The following SCUBE3 variants were observed in gnomAD, a reference collection of about 807,000 sequenced individuals.
The protein encoded by SCUBE3 is signal peptide, CUB domain and EGF like domain containing 3, also known as signal peptide, CUB and EGF-like domain-containing protein 3.
Under a neutral mutation model 116.8 loss-of-function variants are expected in SCUBE3, and 33 were observed. The ratio of observed to expected loss-of-function variants is 0.28; its 90% confidence interval spans 0.21 to 0.38. The LOEUF is 0.38. Among genes scored for constraint, SCUBE3 ranks in the 10% least tolerant of loss-of-function variants. The pLI is 1.00. For synonymous variants in SCUBE3, 418 were observed against 496.9 expected (o/e 0.84, Z 2.11); for missense variants, 1,007 against 1,324.8 (o/e 0.76, Z 3.72).
intron 14 of SCUBE3, 59 bp from the exon 15 acceptor site, chr6:35,242,962 G>T (rs1784139763): frequency 1.3e-6 from 2 of 1,567,468 alleles, no homozygotes; most frequent in African/African-American, 2.7e-5. Context: ...TTGCTCCCCT[G>T]CCCTCCTGCT....
rs183346302 is a variant in SCUBE3, at chr6:35,250,005, G to C, written c.*1300G>C. ...TTATAGCTGCCCAAGAGAAAAGAGT[G>C]TATGTTTGGAGTGGAAGAAAATCGG... On this transcript the variant is annotated 3_prime_UTR_variant, in exon 22 of 22. Coordinates refer to ENST00000274938, the MANE Select transcript of SCUBE3 (RefSeq NM_152753.4). 1 of 152,648 alleles carries C rather than the reference G, an allele frequency of 6.6e-6. No homozygotes were observed. Among genetic ancestry groups the C allele is most frequent in the African/African-American group, 2.4e-5 (1 of 41,444 alleles). The allele number at this position is 152,648 out of a possible 1,614,324, so 9.5% of individuals were successfully genotyped here.
Position 35,244,355 on chromosome 6 carries a change from C to T in SCUBE3, c.2239+225C>T, listed in dbSNP as rs1405923070. Among the ~76,000 whole-genome samples, 1 of 152,208 alleles carries T rather than the reference C, an allele frequency of 6.6e-6. No individual in the cohort carries two copies. Among genetic ancestry groups the T allele is most frequent in the African/African-American group, 2.4e-5 (1 of 41,448 alleles). On this transcript the variant is annotated intron_variant, in intron 17 of 21. Coordinates refer to ENST00000274938, the MANE Select transcript of SCUBE3 (RefSeq NM_152753.4). This position sits in a 1 kb window ranked among gnomAD's most constrained non-coding sequence, Gnocchi z 4.3. ...ATTAACAGTCCCACTTACCCCTCCA[C>T]TTTGGAGAACTGGTGGCATATTCTC...
chr6:35,221,448 C>T (rs1031609115), intron 1 of SCUBE3: 2 of 152,190 alleles, frequency 1.3e-5, no homozygotes, highest in African/African-American at 4.8e-5. Flanking sequence ...AGATTTTTCT[C>T]TGAGGTAACA....
chr6:35,241,202 C>A lies in SCUBE3; in HGVS notation c.1131C>A (p.Gly377=). ...GCTTTGGCTGCATCAACACTCCTGG[C>A]AGCTACCAGTGTACCTGCCCAGCAG... The part of the protein sequence containing the change: ...GCRFGCINTP[G]SYQCTCPAGQ... Residue 377 remains glycine (G), a synonymous_variant, in exon 10 of 22, where the codon GGC becomes GGA. Transcript: ENST00000274938. This position sits in a 1 kb window ranked among gnomAD's most constrained non-coding sequence, Gnocchi z 4.1. 6.2e-7 allele frequency: 1 copy of A among 1,606,728 alleles called. No homozygotes were observed. Among genetic ancestry groups the A allele is most frequent in the South Asian group, 1.1e-5 (1 of 90,884 alleles).
At position 35,246,394 on chromosome 6, in the gene SCUBE3, G is replaced by C. The variant is rs4711410; in HGVS notation, c.2832+109G>C. 4.8e-3 allele frequency: 3,866 copies of C among 798,764 alleles called. 110 individuals are homozygous for C. In the East Asian group the frequency reaches 0.056, roughly 12 times the overall value. The allele number at this position is 798,764 out of a possible 1,614,324, so 49.5% of individuals were successfully genotyped here. On this transcript the variant is annotated intron_variant, in intron 21 of 21. Coordinates refer to ENST00000274938, the MANE Select transcript of SCUBE3 (RefSeq NM_152753.4). ...ATATTCTCACTTGATAGACACAATA[G>C]CTCTATGAGGTAGGTGCTTTCTCCA...
chr6:35,228,783 G>T lies in SCUBE3; in HGVS notation c.334+44G>T, dbSNP rs376126714. 6.6e-5 allele frequency: 105 copies of T among 1,594,928 alleles called. No individual in the cohort carries two copies. The Middle Eastern group carries it at 1.0e-3, about 15-fold the overall frequency. On this transcript the variant is annotated intron_variant, in intron 3 of 21. Transcript: ENST00000274938. The surrounding 1 kb of genome is among the most constrained non-coding windows in gnomAD (Gnocchi z 4.9). ...ATTTGGTGGAGGGATGTCTTGTGGA[G>T]AAAGAGATCTTTTCAGCATTTCCTA...
chr6:35,216,969 G>C (rs1026480358), intron 1 of SCUBE3, among the ~76,000 whole-genome samples: 1 of 151,912 alleles, frequency 6.6e-6, no homozygotes, highest in African/African-American at 2.4e-5. Flanking sequence ...AGGCAACATA[G>C]CTGGATGTCT....
chr6:35,225,943 C>A (rs1783304346), intron 1 of SCUBE3, among the ~76,000 whole-genome samples: 1 of 152,200 alleles, frequency 6.6e-6, no homozygotes, highest in Non-Finnish European at 1.5e-5. Context: ...AATCTCATCT[C>A]CTTTCTGTGC....
At position 35,245,170 on chromosome 6, in the gene SCUBE3, C is replaced by T; in HGVS notation, c.2402-58C>T. 1 of 1,497,084 alleles carries T rather than the reference C, an allele frequency of 6.7e-7. No individual in the cohort carries two copies. Among genetic ancestry groups the T allele is most frequent in the Non-Finnish European group, 9.3e-7 (1 of 1,074,232 alleles). 92.7% of individuals were successfully genotyped at this position (1,497,084 alleles called of 1,614,324 possible). A position where few individuals can be genotyped will look rare whatever the true frequency, so the allele number is the denominator to read the frequency against. On this transcript the variant is annotated intron_variant, in intron 18 of 21. Coordinates refer to ENST00000274938, the MANE Select transcript of SCUBE3 (RefSeq NM_152753.4). This position sits in a 1 kb window ranked among gnomAD's most constrained non-coding sequence, Gnocchi z 4.2. ...TCAGAACTCTTCAATTCCCCCAGCA[C>T]ACTTCCCCACTGACTTCCCTTCTCT... is the stretch of plus-strand genomic sequence containing the variant.
At chr6:35,237,754 G>T in intron 6 of SCUBE3, 148 bp from the exon 7 acceptor site, 1 of 608,186 alleles carries the variant, frequency 1.6e-6, no homozygotes. Context: ...AAGGGGCTGG[G>T]AGCCTCCCTT....
Position 35,233,310 on chromosome 6 carries a change from G to T in SCUBE3, c.712+9G>T. 1 of 1,541,656 alleles carries T rather than the reference G, an allele frequency of 6.5e-7. No individual in the cohort carries two copies. ...CGGGAAGACATGCATCGGTGGGTGA[G>T]GCCAGGGGAGAACTCAGTCCACCTG... On this transcript the variant is annotated intron_variant, in intron 6 of 21. Coordinates refer to ENST00000274938, the MANE Select transcript of SCUBE3 (RefSeq NM_152753.4). The surrounding 1 kb of genome is among the most constrained non-coding windows in gnomAD (Gnocchi z 5.7).
intron 2 of SCUBE3, 111 bp downstream of exon 2, chr6:35,227,813 TC>T: frequency 9.5e-7 from 1 of 1,056,252 alleles, no homozygotes; most frequent in Non-Finnish European, 1.4e-6. Flanking sequence ...ATTCCACTGG[TC>T]AAGTGGTGGG....
In SCUBE3 at chr6:35,243,502, G is replaced by A. The variant is rs553801519; in HGVS notation, c.1910-92G>A. 22 of 1,206,524 alleles carry A rather than the reference G, an allele frequency of 1.8e-5. No homozygotes were observed. Among genetic ancestry groups the A allele is most frequent in the African/African-American group, 1.5e-4 (10 of 66,622 alleles). The allele number at this position is 1,206,524 out of a possible 1,614,324, so 74.7% of individuals were successfully genotyped here. A position where few individuals can be genotyped will look rare whatever the true frequency, so the allele number is the denominator to read the frequency against. On this transcript the variant is annotated intron_variant, in intron 15 of 21. Coordinates refer to ENST00000274938, the MANE Select transcript of SCUBE3 (RefSeq NM_152753.4). The surrounding 1 kb of genome is among the most constrained non-coding windows in gnomAD (Gnocchi z 6.6). ...CCCTGACAGAGATTCTCCCTGAATC[G>A]GGGGTTGTGGCGGGGAGTGGGAAGG...
At chr6:35,224,057 A>G (rs1581913770) in intron 1 of SCUBE3, 1 of 152,396 alleles carries the variant, frequency 6.6e-6, no homozygotes, top group Non-Finnish European at 1.5e-5. Context: ...GGGGCTTACA[A>G]GGAAGAGCTT....
intron 1 of SCUBE3, among the ~76,000 whole-genome samples, chr6:35,225,365 T>C (rs1342026171): frequency 6.6e-6 from 1 of 152,240 alleles, no homozygotes; most frequent in Non-Finnish European, 1.5e-5. Context: ...TTGTACTGTT[T>C]TCTGTTTATC....
At chr6:35,224,693 A>G (rs1243876575) in intron 1 of SCUBE3, 2 of 151,558 alleles carry the variant, frequency 1.3e-5, no homozygotes, top group Admixed American at 1.3e-4. Context: ...GGTGATCAGC[A>G]TCAAGATCCA....
chr6:35,233,234 A>G lies in SCUBE3; in HGVS notation c.645A>G (p.Thr215=), dbSNP rs746827632. The G allele has an allele frequency of 6.2e-6, 10 of 1,613,814 alleles. No homozygotes were observed. The East Asian group carries it at 2.0e-4, about 32-fold the overall frequency. The change falls in exon 6 of 22, where the codon ACA becomes ACG. Residue 215 remains threonine (T), a synonymous_variant. Transcript: ENST00000274938. The surrounding 1 kb of genome is among the most constrained non-coding windows in gnomAD (Gnocchi z 5.7). ...NGGCQHTCDD[T]EQGPRCGCHI... ...GCTGCCAGCACACGTGTGATGACAC[A>G]GAGCAGGGTCCCCGGTGCGGCTGCC... is the stretch of plus-strand genomic sequence containing the variant.
intron 1 of SCUBE3, among the ~76,000 whole-genome samples, chr6:35,216,667 C>G (rs1277724818): frequency 6.6e-6 from 1 of 152,224 alleles, no homozygotes; most frequent in Non-Finnish European, 1.5e-5. Flanking sequence ...GCCTTACCTT[C>G]AAACATATCT....
In SCUBE3 at chr6:35,228,047, G is replaced by C. The variant is rs753764619; in HGVS notation, c.208+345G>C. Among the ~76,000 whole-genome samples the C allele has an allele frequency of 3.3e-5, 5 of 152,236 alleles. No individual in the cohort carries two copies. Among genetic ancestry groups the C allele is most frequent in the Non-Finnish European group, 5.9e-5 (4 of 68,048 alleles). ...ACCACATCCACAATGGATGGGAACA[G>C]AAAGTGTGCTTCAGAGGAAGTTCAT... On this transcript the variant is annotated intron_variant, in intron 2 of 21. Transcript: ENST00000274938. This position sits in a 1 kb window ranked among gnomAD's most constrained non-coding sequence, Gnocchi z 4.9.
Sources: allele counts gnomAD v4.1 joint callset (sites outside exome capture counted in the v4.1 genomes callset), GRCh38; gene constraint gnomAD v4.1.1; non-coding constraint Gnocchi (gnomAD v3.1); transcripts MANE v1.5; gene names NCBI Gene and HGNC (gene_info 2026-07-23, HGNC 2026-07-21).